NEGR1: variants seen among roughly 807,000 people sequenced by gnomAD.
NEGR1 encodes neuronal growth regulator 1.
In NEGR1, 10 loss-of-function variants were observed where a neutral mutation model predicts 40.9. The observed-to-expected ratio is 0.24, with a 90% confidence interval of 0.15 to 0.42. NEGR1 has a LOEUF of 0.42. Among genes scored for constraint, NEGR1 ranks in the 10% least tolerant of loss-of-function variants. The pLI is 1.00. For synonymous variants in NEGR1, 185 were observed against 166.8 expected (o/e 1.11, Z -0.84); for missense variants, 352 against 438.9 (o/e 0.80, Z 1.77).
intron 1 of NEGR1, among the ~76,000 whole-genome samples, chr1:72,066,594 A>G (rs1343416580): frequency 2.0e-5 from 3 of 152,248 alleles, no homozygotes; most frequent in South Asian, 2.1e-4. Flanking sequence ...GCTGTAATCC[A>G]GTGTGCCTGG....
chr1:71,791,975 T>C (rs889735631), intron 2 of NEGR1, among the ~76,000 whole-genome samples: 22 of 152,144 alleles, frequency 1.4e-4, no homozygotes, highest in Admixed American at 1.2e-3. Context: ...TATTTGCCGA[T>C]CAGGCAGTTT....
At chr1:71,834,626 A>G (rs547911270) in intron 2 of NEGR1, among the ~76,000 whole-genome samples, 1 of 152,118 alleles carries the variant, frequency 6.6e-6, no homozygotes, top group East Asian at 1.9e-4. Context: ...ACTTTCAGAA[A>G]ACACATTGTG....
chr1:71,465,964 T>TA (rs371835797), intron 6 of NEGR1, among the ~76,000 whole-genome samples: 47 of 152,226 alleles, frequency 3.1e-4, no homozygotes, highest in African/African-American at 1.1e-3. Context: ...AAATTAATGT[T>TA]AGAGATGAGC....
At chr1:72,231,162 C>T (rs77516608) in intron 1 of NEGR1, among the ~76,000 whole-genome samples, 2,911 of 152,264 alleles carry the variant, frequency 0.019, 44 homozygotes, top group South Asian at 0.042. Flanking sequence ...TACTTTTACT[C>T]GTTTCACATC....
chr1:72,059,019 C>T (rs1259135700), intron 1 of NEGR1, among the ~76,000 whole-genome samples: 1 of 151,614 alleles, frequency 6.6e-6, no homozygotes, highest in Non-Finnish European at 1.5e-5. Flanking sequence ...GGAAAATGCG[C>T]ATTGGAAATA....
chr1:72,248,039 A>G (rs1654957847), intron 1 of NEGR1, among the ~76,000 whole-genome samples: 2 of 152,018 alleles, frequency 1.3e-5, no homozygotes, highest in Admixed American at 6.6e-5. Flanking sequence ...GACTTAAATG[A>G]CTAGCTTTTG....
At chr1:71,974,528 C>T (rs1646285487) in intron 1 of NEGR1, among the ~76,000 whole-genome samples, 1 of 151,888 alleles carries the variant, frequency 6.6e-6, no homozygotes, top group Non-Finnish European at 1.5e-5. Context: ...AATTAAACGG[C>T]ACTAGTTTTG....
At chr1:71,677,608 A>G (rs559281713) in intron 4 of NEGR1, among the ~76,000 whole-genome samples, 1 of 152,286 alleles carries the variant, frequency 6.6e-6, no homozygotes, top group East Asian at 1.9e-4. Context: ...GGAGGTTCAC[A>G]TTTGCTATTC....
chr1:71,844,497 G>C (rs1236654400), intron 2 of NEGR1, among the ~76,000 whole-genome samples: 2 of 152,148 alleles, frequency 1.3e-5, no homozygotes, highest in Non-Finnish European at 2.9e-5. Flanking sequence ...AATCTTACTG[G>C]TGATCCTTCA....
chr1:71,775,385 A>C (rs1570329686), intron 3 of NEGR1, among the ~76,000 whole-genome samples: 2 of 147,540 alleles, frequency 1.4e-5, no homozygotes, highest in South Asian at 2.2e-4. Context: ...CTTGCTCCGC[A>C]CCCAGGCTGG....
chr1:71,396,300 A>T lies in NEGR1; in HGVS notation c.*11146T>A, dbSNP rs1646211413. 6.6e-6 allele frequency: 1 copy of T among 152,198 alleles called. No homozygotes were observed. Among genetic ancestry groups the T allele is most frequent in the Admixed American group, 6.5e-5 (1 of 15,278 alleles). The allele number at this position is 152,198 out of a possible 1,614,324, so 9.4% of individuals were successfully genotyped here. A position where few individuals can be genotyped will look rare whatever the true frequency, so the allele number is the denominator to read the frequency against. On this transcript the variant is annotated 3_prime_UTR_variant, in exon 7 of 7. Coordinates refer to ENST00000357731, the MANE Select transcript of NEGR1 (RefSeq NM_173808.3). Reference sequence around the variant, plus strand: ...TGTCCTAAACATCCAGATTAACTCTACCAGGTAATTCTTTTTAGACAGCTC... The same window carrying T: ...TGTCCTAAACATCCAGATTAACTCTTCCAGGTAATTCTTTTTAGACAGCTC...
intron 1 of NEGR1, among the ~76,000 whole-genome samples, chr1:72,180,277 T>C (rs4344270): frequency 0.97 from 147,748 of 152,084 alleles, 71,807 homozygotes; most frequent in East Asian, 1. Flanking sequence ...ATAAAGTGAA[T>C]GAAACTGTAC....
chr1:71,626,353 C>A, intron 4 of NEGR1, among the ~76,000 whole-genome samples: 1 of 123,148 alleles, frequency 8.1e-6, no homozygotes, highest in Non-Finnish European at 1.7e-5. Context: ...TAATGCTATC[C>A]CTCCCCCCTC....
At chr1:71,554,598 C>CA (rs758113520) in intron 6 of NEGR1, among the ~76,000 whole-genome samples, 10 of 151,340 alleles carry the variant, frequency 6.6e-5, no homozygotes, top group East Asian at 3.9e-4. Flanking sequence ...CCTCAAACTC[C>CA]AAAAAACACA....
intron 1 of NEGR1, among the ~76,000 whole-genome samples, chr1:72,012,836 T>TAC (rs1646669858): frequency 7.5e-6 from 1 of 133,484 alleles, no homozygotes; most frequent in Non-Finnish European, 1.6e-5. Flanking sequence ...CACACATATA[T>TAC]ACATACATAT....
intron 6 of NEGR1, among the ~76,000 whole-genome samples, chr1:71,433,768 G>C (rs1236847962): frequency 6.6e-6 from 1 of 152,176 alleles, no homozygotes; most frequent in African/African-American, 2.4e-5. Flanking sequence ...TGGGGACACA[G>C]AACCAAACCA....
intron 6 of NEGR1, among the ~76,000 whole-genome samples, chr1:71,527,787 T>C (rs546311872): frequency 3.2e-4 from 49 of 151,546 alleles, no homozygotes; most frequent in African/African-American, 1.1e-3. Context: ...GGTTGTTTAT[T>C]ATCCTATTTC....
chr1:71,466,975 C>T (rs1217376722), intron 6 of NEGR1, among the ~76,000 whole-genome samples: 1 of 152,228 alleles, frequency 6.6e-6, no homozygotes, highest in East Asian at 1.9e-4. Context: ...CCGGTTCTTA[C>T]ACAGATCTGG....
intron 1 of NEGR1, among the ~76,000 whole-genome samples, chr1:72,034,524 T>C (rs1033373460): frequency 6.6e-6 from 1 of 152,206 alleles, no homozygotes; most frequent in African/African-American, 2.4e-5. Flanking sequence ...CAGGACCTTA[T>C]TTTGTGATAA....
Sources: gnomAD v4.1 joint callset for allele counts (sites outside exome capture counted in the v4.1 genomes callset) on GRCh38, gnomAD v4.1.1 for gene constraint, MANE v1.5 for transcripts, NCBI Gene and HGNC (gene_info 2026-07-23, HGNC 2026-07-21) for gene names.